NCOA1: variants seen among roughly 807,000 people sequenced by gnomAD.
NCOA1 encodes nuclear receptor coactivator 1, also known as Hin-2 protein.
In NCOA1, 35 loss-of-function variants were observed where a neutral mutation model predicts 150.9. The observed-to-expected ratio is 0.23, with a 90% CI of 0.18 to 0.31. NCOA1 has a LOEUF of 0.31. Ranked by LOEUF, NCOA1 falls within the 10% of genes least tolerant of loss-of-function variation. NCOA1 has a pLI of 1.00. For synonymous variants in NCOA1, 590 were observed against 630.0 expected (o/e 0.94, Z 0.95); for missense variants, 1,491 against 1,749.3 (o/e 0.85, Z 2.63).
chr2:24,724,363 G>A (rs553374779), intron 14 of NCOA1, among the ~76,000 whole-genome samples: 5 of 152,216 alleles, frequency 3.3e-5, no homozygotes, highest in African/African-American at 1.2e-4. Flanking sequence ...AAGAGAGAGA[G>A]CCTGTGTATT....
intron 10 of NCOA1, among the ~76,000 whole-genome samples, chr2:24,697,388 G>A (rs1309863671): frequency 1.3e-5 from 2 of 152,152 alleles, no homozygotes; most frequent in Admixed American, 1.3e-4. Flanking sequence ...AGTCTCAGTA[G>A]TGTCAGGTCA....
Position 24,569,552 on chromosome 2 carries a change from A to ATTTTTTTTTTTTTTTTTTTTTTT in NCOA1, c.-260+5127_-260+5149dup, listed in dbSNP as rs200639064. Among the ~76,000 whole-genome samples the ATTTTTTTTTTTTTTTTTTTTTTT allele has an allele frequency of 1.6e-4, 15 of 93,800 alleles. 1 individual carries two copies. Among genetic ancestry groups the ATTTTTTTTTTTTTTTTTTTTTTT allele is most frequent in the African/African-American group, 6.0e-4 (15 of 24,952 alleles). 61.5% of individuals were successfully genotyped at this position (93,800 alleles called of 152,430 possible). On this transcript the variant is annotated intron_variant, in intron 2 of 22. Transcript: ENST00000348332. Reference sequence around the variant, plus strand: ...ATCCTCAAACTTGTTGGTTTTATTAATTTTTTTTTTTTTTTTTTTTTTTTT... The same window carrying ATTTTTTTTTTTTTTTTTTTTTTT: ...ATCCTCAAACTTGTTGGTTTTATTAATTTTTTTTTTTTTTTTTTTTTTTTTTTTTTTTTTTTTTTTTTTTTTTT...
At chr2:24,558,220 C>G (rs1353828230) in intron 1 of NCOA1, among the ~76,000 whole-genome samples, 1 of 152,062 alleles carries the variant, frequency 6.6e-6, no homozygotes, top group Admixed American at 6.5e-5. Flanking sequence ...CTTGTTCTTT[C>G]TTCATCCCTG....
intron 10 of NCOA1, among the ~76,000 whole-genome samples, chr2:24,697,225 G>A (rs1481991881): frequency 1.3e-5 from 2 of 152,114 alleles, no homozygotes; most frequent in Admixed American, 1.3e-4. Flanking sequence ...GAAAGGAAAA[G>A]GCTTGCTTCT....
At chr2:24,642,373 T>C (rs1670273970) in intron 3 of NCOA1, among the ~76,000 whole-genome samples, 1 of 150,846 alleles carries the variant, frequency 6.6e-6, no homozygotes, top group Admixed American at 6.6e-5. Flanking sequence ...AATAGCTACT[T>C]TCACATCTTT....
intron 19 of NCOA1, among the ~76,000 whole-genome samples, chr2:24,749,240 G>A (rs1315657727): frequency 6.6e-6 from 1 of 152,184 alleles, no homozygotes; most frequent in Admixed American, 6.5e-5. Context: ...GCTGCGGGGA[G>A]GGAGAATCCA....
intron 3 of NCOA1, among the ~76,000 whole-genome samples, chr2:24,637,527 T>TC (rs1419081745): frequency 1.3e-5 from 2 of 151,838 alleles, no homozygotes; most frequent in Non-Finnish European, 2.9e-5. Context: ...AATGATGAGT[T>TC]CATGTCCTTT....
chr2:24,708,721 G>A (rs1673585993), intron 13 of NCOA1, among the ~76,000 whole-genome samples: 1 of 152,178 alleles, frequency 6.6e-6, no homozygotes, highest in Admixed American at 6.5e-5. Context: ...TAAAGCATGA[G>A]TCACACTTAG....
At chr2:24,693,158 T>C in intron 9 of NCOA1, 94 bp from the exon 10 acceptor site, 4 of 1,235,790 alleles carry the variant, frequency 3.2e-6, no homozygotes, top group South Asian at 1.2e-5. Context: ...CTGGCCAACA[T>C]GTATTGTTTT....
intron 3 of NCOA1, among the ~76,000 whole-genome samples, chr2:24,600,449 C>T (rs750632832): frequency 7.2e-5 from 11 of 152,206 alleles, no homozygotes; most frequent in African/African-American, 1.9e-4. Flanking sequence ...TCAAGTGATC[C>T]GCACGCCTTG....
Position 24,760,314 on chromosome 2 carries a change from T to A in NCOA1, c.4065+2158T>A, listed in dbSNP as rs955251953. Among the ~76,000 whole-genome samples, 11 of 146,790 alleles carry A rather than the reference T, an allele frequency of 7.5e-5. No homozygotes were observed. The South Asian group carries it at 2.2e-3, about 29-fold the overall frequency. On this transcript the variant is annotated intron_variant, in intron 21 of 22. Transcript: ENST00000348332. ...GCCACCATGCCCGGCTAATTTTTTT[T>A]TTTTTTTTTTTTTTTTGTATTTTTG... is the stretch of plus-strand genomic sequence containing the variant.
chr2:24,719,513 A>G (rs1191662851), intron 14 of NCOA1, among the ~76,000 whole-genome samples: 3 of 152,250 alleles, frequency 2.0e-5, no homozygotes, highest in Non-Finnish European at 4.4e-5. Context: ...GCCAATAACT[A>G]TCACATTTCT....
chr2:24,731,395 A>G (rs1286079411), intron 17 of NCOA1, among the ~76,000 whole-genome samples: 2 of 152,220 alleles, frequency 1.3e-5, no homozygotes, highest in East Asian at 3.8e-4. Flanking sequence ...GGTTGTATGG[A>G]ATAAATGAGA....
At chr2:24,565,708 C>A (rs1666472735) in intron 2 of NCOA1, among the ~76,000 whole-genome samples, 1 of 152,186 alleles carries the variant, frequency 6.6e-6, no homozygotes, top group Admixed American at 6.5e-5. Context: ...CCCATGCCTG[C>A]CAAGGGCGAG....
intron 1 of NCOA1, among the ~76,000 whole-genome samples, chr2:24,513,822 A>C (rs1378653295): frequency 6.6e-6 from 1 of 152,222 alleles, no homozygotes; most frequent in African/African-American, 2.4e-5. Context: ...GATGGTTAGC[A>C]GCTGTTAGGG....
intron 18 of NCOA1, among the ~76,000 whole-genome samples, chr2:24,741,480 C>T (rs1190441330): frequency 6.6e-6 from 1 of 152,116 alleles, no homozygotes; most frequent in Non-Finnish European, 1.5e-5. Flanking sequence ...TCAATACATA[C>T]TTTCTTTGAA....
chr2:24,718,433 C>T lies in NCOA1; in HGVS notation c.2599+7322C>T, dbSNP rs1463187120. Among the ~76,000 whole-genome samples, 6 of 152,114 alleles carry T rather than the reference C, an allele frequency of 3.9e-5. 1 individual carries two copies. The highest frequency in any genetic ancestry group is 5.9e-5 in the Non-Finnish European group (4 of 68,010). On this transcript the variant is annotated intron_variant, in intron 14 of 22. Transcript: ENST00000348332. ...TCTCATAAAGTTAATCATACATTTA[C>T]CATGTAACCCAACAGTTCAACTTTT...
At chr2:24,549,994 A>C (rs1665760753) in intron 1 of NCOA1, among the ~76,000 whole-genome samples, 1 of 152,158 alleles carries the variant, frequency 6.6e-6, no homozygotes, top group Non-Finnish European at 1.5e-5. Context: ...AATTTCCACA[A>C]ACCTCCAGGG....
chr2:24,728,564 A>T, intron 16 of NCOA1, 88 bp downstream of exon 16: 1 of 1,121,510 alleles, frequency 8.9e-7, no homozygotes, highest in South Asian at 2.0e-5. Flanking sequence ...TATTGTACCC[A>T]CTATGCTTTA....
Sources: allele counts gnomAD v4.1 joint callset (sites outside exome capture counted in the v4.1 genomes callset), GRCh38; gene constraint gnomAD v4.1.1; transcripts MANE v1.5; gene names NCBI Gene and HGNC (gene_info 2026-07-23, HGNC 2026-07-21).